Variants in IFT43 observed in about 807,000 individuals in gnomAD.
IFT43 encodes the protein intraflagellar transport protein 43 homolog.
IFT43 carries 33 observed loss-of-function variants against 32.3 expected under a neutral mutation model. That is an observed-to-expected ratio of 1.02 (90% CI 0.77 to 1.37). The LOEUF is 1.37. Ranked by LOEUF, IFT43 falls within the 40% of genes most tolerant of loss-of-function variation. The probability of loss-of-function intolerance (pLI) is 0.00; values close to 1 mark genes in which losing one functional copy is unlikely to be tolerated. For synonymous variants in IFT43, 93 were observed against 98.2 expected, an observed-to-expected ratio of 0.95 and a Z score of 0.31; for missense variants, 274 against 265.9, an observed-to-expected ratio of 1.03 and a Z score of -0.21.
intron 3 of IFT43, among the ~76,000 whole-genome samples, chr14:76,040,874 G>A (rs970008969): frequency 2.6e-5 from 4 of 152,338 alleles, no homozygotes; most frequent in African/African-American, 4.8e-5. Context: ...GTGGGGACTC[G>A]AGATGAACTT....
At chr14:76,032,856 C>A (rs537637791) in intron 3 of IFT43, among the ~76,000 whole-genome samples, 19 of 152,198 alleles carry the variant, frequency 1.2e-4, no homozygotes, top group Admixed American at 5.9e-4. Flanking sequence ...AATAGAAATA[C>A]CAGTGGTTGG....
At chr14:76,006,375 C>G (rs935013917) in intron 2 of IFT43, among the ~76,000 whole-genome samples, 1 of 152,144 alleles carries the variant, frequency 6.6e-6, no homozygotes, top group Non-Finnish European at 1.5e-5. Context: ...TCATGTTAGG[C>G]CATTGTCAGC....
rs192054691 is a variant in IFT43, at chr14:76,004,589, T to C, written c.147+15612T>C. On this transcript the variant is annotated intron_variant, in intron 2 of 8. Coordinates refer to ENST00000314067, the MANE Select transcript of IFT43 (RefSeq NM_001102564.3). ...TTGTCACCCCAGATTTAGAAAGTCT[T>C]AGGCGATTACTTCTTCAAATATCTA... 3.4e-3 allele frequency among the ~76,000 whole-genome samples: 516 copies of C among 152,366 alleles called. 3 individuals are homozygous for C. Among genetic ancestry groups the C allele is most frequent in the African/African-American group, 0.012 (494 of 41,590 alleles).
At chr14:76,062,075 CT>C (rs879681313) in intron 5 of IFT43, among the ~76,000 whole-genome samples, 238 of 145,912 alleles carry the variant, frequency 1.6e-3, no homozygotes, top group Non-Finnish European at 1.8e-3. Flanking sequence ...TTTTCCGCTT[CT>C]TTTTTTTTTT....
At chr14:76,020,697 T>C (rs190800504) in intron 2 of IFT43, among the ~76,000 whole-genome samples, 4 of 152,306 alleles carry the variant, frequency 2.6e-5, no homozygotes, top group African/African-American at 9.6e-5. Context: ...GTGACAAGGC[T>C]TTATTGCAAA....
chr14:76,063,969 G>C (rs943582598), intron 5 of IFT43, among the ~76,000 whole-genome samples: 1 of 152,186 alleles, frequency 6.6e-6, no homozygotes, highest in Admixed American at 6.5e-5. Flanking sequence ...GAGGACCAGC[G>C]AGGGCAGGAG....
chr14:76,055,524 A>G (rs1765870209), intron 3 of IFT43, among the ~76,000 whole-genome samples: 2 of 152,160 alleles, frequency 1.3e-5, no homozygotes, highest in South Asian at 4.2e-4. Context: ...AGGAAAGGAA[A>G]GCTGGTGGTG....
At chr14:76,001,676 C>G (rs1191269069) in intron 2 of IFT43, among the ~76,000 whole-genome samples, 3 of 152,336 alleles carry the variant, frequency 2.0e-5, no homozygotes, top group Admixed American at 6.5e-5. Flanking sequence ...TTATGCTGCT[C>G]TAACAGAATG....
chr14:76,000,459 A>G (rs1341339398), intron 2 of IFT43, among the ~76,000 whole-genome samples: 4 of 151,100 alleles, frequency 2.6e-5, no homozygotes, highest in African/African-American at 9.7e-5. Context: ...TTTTTAGTAG[A>G]GACGGGGTTT....
At chr14:76,078,448 G>A (rs751096269) in intron 5 of IFT43, among the ~76,000 whole-genome samples, 4 of 152,170 alleles carry the variant, frequency 2.6e-5, no homozygotes, top group Admixed American at 6.5e-5. Context: ...TGAAGACAGG[G>A]ACCATGTCTA....
intron 3 of IFT43, among the ~76,000 whole-genome samples, chr14:76,031,711 A>G (rs1164100991): frequency 2.6e-5 from 4 of 152,174 alleles, no homozygotes; most frequent in African/African-American, 9.7e-5. Context: ...TCCAGATCAA[A>G]TCCATTTCCT....
chr14:76,035,815 C>G (rs1026501613), intron 3 of IFT43, among the ~76,000 whole-genome samples: 7 of 152,158 alleles, frequency 4.6e-5, no homozygotes, highest in Non-Finnish European at 4.4e-5. Context: ...GTGGGCACAC[C>G]CTGCCTGTGG....
rs377320184 is a variant in IFT43 at position 76,081,393 on chromosome 14, C to T, written c.296-902C>T. On this transcript the variant is annotated intron_variant, in intron 5 of 8. Coordinates refer to ENST00000314067, the MANE Select transcript of IFT43 (RefSeq NM_001102564.3). The stretch of plus-strand genomic sequence containing the variant: ...ACCAGGCCTTTTTTCTTGCACCATC[C>T]CTCCCTTCTCCCCCACCCCTGACCG... Among the ~76,000 whole-genome samples, 193 of 152,320 alleles carry T rather than the reference C, an allele frequency of 1.3e-3. 6 individuals carry two copies. The South Asian group carries it at 0.038, about 30-fold the overall frequency.
At chr14:76,083,076 C>A (rs1185813023) in intron 7 of IFT43, 151 bp from the exon 8 acceptor site, 3 of 803,976 alleles carry the variant, frequency 3.7e-6, no homozygotes, top group African/African-American at 3.4e-5. Context: ...GCATGTGGTT[C>A]ATTCATGATT....
intron 3 of IFT43, among the ~76,000 whole-genome samples, chr14:76,022,957 G>A (rs1276474644): frequency 6.6e-6 from 1 of 152,180 alleles, no homozygotes; most frequent in Admixed American, 6.5e-5. Context: ...CCATCACCCT[G>A]CCTAGTTGGT....
intron 5 of IFT43, among the ~76,000 whole-genome samples, chr14:76,074,175 G>A (rs1403255415): frequency 6.6e-6 from 1 of 152,136 alleles, no homozygotes; most frequent in African/African-American, 2.4e-5. Context: ...GATATGCCTG[G>A]TTTCTAATGT....
intron 5 of IFT43, among the ~76,000 whole-genome samples, chr14:76,062,931 A>G (rs796718607): frequency 3.4e-4 from 24 of 70,014 alleles, no homozygotes; most frequent in Non-Finnish European, 6.8e-4. Context: ...AAAAAAAAAA[A>G]AAAAAAAAAA....
At chr14:76,020,915 G>C (rs2036277929) in intron 2 of IFT43, among the ~76,000 whole-genome samples, 1 of 152,160 alleles carries the variant, frequency 6.6e-6, no homozygotes, top group Non-Finnish European at 1.5e-5. Flanking sequence ...GTGCATGTGG[G>C]TGGGTGGTGG....
intron 2 of IFT43, among the ~76,000 whole-genome samples, chr14:76,004,593 C>T (rs1007817500): frequency 1.3e-5 from 2 of 152,116 alleles, no homozygotes; most frequent in African/African-American, 2.4e-5. Flanking sequence ...AAGTCTTAGG[C>T]GATTACTTCT....
Sources: allele counts gnomAD v4.1 joint callset (sites outside exome capture counted in the v4.1 genomes callset), GRCh38; gene constraint gnomAD v4.1.1; transcripts MANE v1.5; gene names NCBI Gene and HGNC (gene_info 2026-07-23, HGNC 2026-07-21).